The following PDCD6 variants were observed in gnomAD, a reference collection of about 807,000 sequenced individuals.
The protein encoded by PDCD6 is programmed cell death 6.
A neutral mutation model predicts 28.3 loss-of-function variants in PDCD6; 12 were observed. The observed-to-expected ratio is 0.42, with a 90% CI of 0.27 to 0.69. The LOEUF is 0.69. Ranked by LOEUF, PDCD6 falls within the 30% of genes least tolerant of loss-of-function variation. The probability of loss-of-function intolerance (pLI) is 0.22; values close to 1 mark genes in which losing one functional copy is unlikely to be tolerated. For missense variants in PDCD6, 226 were observed against 269.9 expected (o/e 0.84, Z 1.14); for synonymous variants, 92 against 108.0 (o/e 0.85, Z 0.92).
chr5:302,446 G>T (rs1176225215), intron 2 of PDCD6, among the ~76,000 whole-genome samples: 1 of 110,454 alleles, frequency 9.1e-6, no homozygotes, highest in Admixed American at 8.5e-5. Flanking sequence ...GGAGAGCACA[G>T]CTTCCCTGCA....
intron 1 of PDCD6, among the ~76,000 whole-genome samples, chr5:272,232 GGGAAAGC>G (rs1737869102): frequency 9.3e-6 from 1 of 107,860 alleles, no homozygotes; most frequent in Admixed American, 8.7e-5. Flanking sequence ...TGCTTGTTTG[GGGAAAGC>G]GGAAACAGAC....
chr5:298,019 G>A (rs774499039), intron 2 of PDCD6, among the ~76,000 whole-genome samples: 4 of 152,158 alleles, frequency 2.6e-5, no homozygotes, highest in Non-Finnish European at 5.9e-5. Flanking sequence ...TTAGATCCAC[G>A]TAAATAAATG....
In PDCD6 at chr5:314,684, A is replaced by G. The variant is rs1361614831; in HGVS notation, c.*169A>G. 2.9e-6 allele frequency: 2 copies of G among 694,214 alleles called. No homozygotes were observed. Among genetic ancestry groups the G allele is most frequent in the Middle Eastern group, 2.3e-4 (1 of 4,330 alleles). The allele number at this position is 694,214 out of a possible 1,614,324, so 43.0% of individuals were successfully genotyped here. ...GGATAAGCTGATTAATGGTTTTGCAACTGTAATAGTAGCTGTATCGTTCTA... is the reference window on the plus strand; with the variant it reads ...GGATAAGCTGATTAATGGTTTTGCAGCTGTAATAGTAGCTGTATCGTTCTA... On this transcript the variant is annotated 3_prime_UTR_variant, in exon 6 of 6. Coordinates refer to ENST00000264933, the MANE Select transcript of PDCD6 (RefSeq NM_013232.4).
chr5:288,970 T>C lies in PDCD6; in HGVS notation c.164-15207T>C. ...GTTTCACGGCAGTCAGAAGAACCAC[T>C]ACTTTCAGGGCCTTCGTTTTCATTA... On this transcript the variant is annotated intron_variant, in intron 2 of 5. Coordinates refer to ENST00000264933, the MANE Select transcript of PDCD6 (RefSeq NM_013232.4). 7.9e-6 allele frequency: 11 copies of C among 1,389,444 alleles called. No homozygotes were observed. In the South Asian group the frequency reaches 8.2e-5, roughly 10 times the overall value. 86.1% of individuals were successfully genotyped at this position (1,389,444 alleles called of 1,614,324 possible).
chr5:275,411 G>T (rs1226646579), intron 2 of PDCD6, among the ~76,000 whole-genome samples: 1 of 152,228 alleles, frequency 6.6e-6, no homozygotes, highest in Non-Finnish European at 1.5e-5. Context: ...TCCTGGAGCT[G>T]CGCGTGTTCT....
chr5:285,172 G>A lies in PDCD6; in HGVS notation c.163+12400G>A, dbSNP rs574340627. ...GAGCTGATGTTGCAATTGGAGGGCC[G>A]TGCAGCTGGAGACCCAGAGGGGAGC... On this transcript the variant is annotated intron_variant, in intron 2 of 5. Coordinates refer to ENST00000264933, the MANE Select transcript of PDCD6 (RefSeq NM_013232.4). Among the ~76,000 whole-genome samples, 16 of 151,550 alleles carry A rather than the reference G, an allele frequency of 1.1e-4. No individual in the cohort carries two copies. The South Asian group carries it at 1.3e-3, about 12-fold the overall frequency.
Position 271,740 on chromosome 5 carries a change from G to T in PDCD6, c.20G>T (p.Arg7Leu). Residue 7 changes from arginine to leucine, a missense_variant, in exon 1 of 6, where the codon CGC (arginine) becomes CTC (leucine). By Grantham distance (102) the Arg-to-Leu change is moderately radical. This residue lies in a region of PDCD6 where 72 missense variants were observed against 71.4 expected (regional missense o/e 1.01). Transcript: ENST00000264933. The part of the protein sequence containing the change: MAAYSY[R>L]PGPGAGPGPA... ...TGGCCCATGGCCGCCTACTCTTACC[G>T]CCCCGGCCCTGGGGCCGGCCCTGGG... The T allele has an allele frequency of 6.5e-7, 1 of 1,530,696 alleles. No individual in the cohort carries two copies. Among genetic ancestry groups the T allele is most frequent in the South Asian group, 1.2e-5 (1 of 84,556 alleles). The allele number at this position is 1,530,696 out of a possible 1,614,324, so 94.8% of individuals were successfully genotyped here.
At chr5:295,204 A>C (rs1312034330) in intron 2 of PDCD6, among the ~76,000 whole-genome samples, 1 of 138,922 alleles carries the variant, frequency 7.2e-6, no homozygotes, top group Admixed American at 6.9e-5. Flanking sequence ...ATTAAAAAAA[A>C]CTCTTAAAAT....
At position 307,152 on chromosome 5, in the gene PDCD6, G is replaced by A. The variant is rs955722290; in HGVS notation, c.367+392G>A. ...GGCAACAGTCACCTAAGAAACAGCT[G>A]TCAGTCACCAGGTCCAAACCGTGCG... is the stretch of plus-strand genomic sequence containing the variant. On this transcript the variant is annotated intron_variant, in intron 4 of 5. Transcript: ENST00000264933. The surrounding 1 kb of genome is among the most constrained non-coding windows in gnomAD (Gnocchi z 6.1). Among the ~76,000 whole-genome samples the A allele has an allele frequency of 6.6e-6, 1 of 152,218 alleles. No homozygotes were observed.
At chr5:296,862 G>A (rs1739648041) in intron 2 of PDCD6, among the ~76,000 whole-genome samples, 1 of 149,032 alleles carries the variant, frequency 6.7e-6, no homozygotes, top group South Asian at 2.1e-4. Context: ...AGCTTTTCAG[G>A]GCAAGGGTCA....
Position 294,211 on chromosome 5 carries a change from T to A in PDCD6, c.164-9966T>A, listed in dbSNP as rs1739459245. ...ATTGACAAATTAAATTGTCATAAAT[T>A]TAAAATTATAATGCTATAAAGCAAT... On this transcript the variant is annotated intron_variant, in intron 2 of 5. Transcript: ENST00000264933. Among the ~76,000 whole-genome samples, 5 of 151,620 alleles carry A rather than the reference T, an allele frequency of 3.3e-5. No individual in the cohort carries two copies. In the South Asian group the frequency reaches 1.0e-3, roughly 31 times the overall value.
Position 305,495 on chromosome 5 carries a change from G to A in PDCD6, c.209-1107G>A, listed in dbSNP as rs1740416970. The A allele has an allele frequency of 6.6e-6, 1 of 152,134 alleles. No individual in the cohort carries two copies. The highest frequency in any genetic ancestry group is 2.1e-4 in the South Asian group (1 of 4,820). The allele number at this position is 152,134 out of a possible 1,614,324, so 9.4% of individuals were successfully genotyped here. ...AACTTGGAAGTGTAGTAGTGGCAGG[G>A]CTCAGCCTTTAGTGCTAGAAAAGGT... On this transcript the variant is annotated intron_variant, in intron 3 of 5. Coordinates refer to ENST00000264933, the MANE Select transcript of PDCD6 (RefSeq NM_013232.4). The surrounding 1 kb of genome is among the most constrained non-coding windows in gnomAD (Gnocchi z 4.0).
Position 292,672 on chromosome 5 carries a change from G to A in PDCD6, c.164-11505G>A, listed in dbSNP as rs1342445064. ...AAATGTGCAGGATCTCCTCTCTGGT[G>A]GGAGAAGAGACAGAGAGGGATAGAA... On this transcript the variant is annotated intron_variant, in intron 2 of 5. Coordinates refer to ENST00000264933, the MANE Select transcript of PDCD6 (RefSeq NM_013232.4). 3.9e-5 allele frequency among the ~76,000 whole-genome samples: 6 copies of A among 152,360 alleles called. No individual in the cohort carries two copies. In the East Asian group the frequency reaches 7.7e-4, roughly 20 times the overall value.
intron 2 of PDCD6, among the ~76,000 whole-genome samples, chr5:290,731 G>T (rs1393451483): frequency 1.3e-5 from 2 of 152,244 alleles, no homozygotes; most frequent in Non-Finnish European, 2.9e-5. Flanking sequence ...GATGCAGCAG[G>T]TGTCACAGAA....
In PDCD6 at chr5:311,046, ACTC is replaced by A. The variant is rs1192048597; in HGVS notation, c.368-241_368-239del. 12 of 452,706 alleles carry A rather than the reference ACTC, an allele frequency of 2.7e-5. 2 individuals are homozygous for A. In the Middle Eastern group the frequency reaches 3.0e-3, roughly 114 times the overall value. The allele number at this position is 452,706 out of a possible 1,614,324, so 28.0% of individuals were successfully genotyped here. A position where few individuals can be genotyped will look rare whatever the true frequency, so the allele number is the denominator to read the frequency against. ...AGTGACTAATGGCAGCGTCCCACTC[ACTC>A]CTCCTTCCGGGGTCATGGTCTCAAG... On this transcript the variant is annotated intron_variant, in intron 4 of 5. Coordinates refer to ENST00000264933, the MANE Select transcript of PDCD6 (RefSeq NM_013232.4).
chr5:301,671 T>C (rs1319651549), intron 2 of PDCD6, among the ~76,000 whole-genome samples: 428 of 101,312 alleles, frequency 4.2e-3, no homozygotes, highest in Middle Eastern at 0.04. Context: ...TGCTGGAGGG[T>C]GGGTCGTCGA....
At chr5:280,893 C>G (rs551921101) in intron 2 of PDCD6, among the ~76,000 whole-genome samples, 30 of 152,316 alleles carry the variant, frequency 2.0e-4, no homozygotes, top group African/African-American at 6.7e-4. Context: ...TGGATGGGAG[C>G]TGGCATTTAT....
At chr5:311,676 G>GTT in intron 5 of PDCD6, 1 of 389,194 alleles carries the variant, frequency 2.6e-6, no homozygotes, top group East Asian at 5.4e-5. Context: ...TGGTGTTGTG[G>GTT]TTTTTTTTGT....
intron 2 of PDCD6, among the ~76,000 whole-genome samples, chr5:277,306 T>A (rs1421625832): frequency 6.9e-6 from 1 of 145,422 alleles, no homozygotes; most frequent in South Asian, 2.2e-4. Context: ...TTTGTATTTT[T>A]TTTTTTTTTT....
Sources: allele counts gnomAD v4.1 joint callset (sites outside exome capture counted in the v4.1 genomes callset), GRCh38; gene constraint gnomAD v4.1.1; regional missense constraint gnomAD v4.1.1; non-coding constraint Gnocchi (gnomAD v3.1); transcripts MANE v1.5; gene names NCBI Gene and HGNC (gene_info 2026-07-23, HGNC 2026-07-21).